The following CACNA1C variants were observed in gnomAD, a reference collection of about 807,000 sequenced individuals.
CACNA1C encodes calcium voltage-gated channel subunit alpha1 C.
In CACNA1C, 30 loss-of-function variants were observed where a neutral mutation model predicts 229.0. The ratio of observed to expected loss-of-function variants is 0.13; its 90% CI spans 0.10 to 0.18. CACNA1C has a LOEUF of 0.18. Among genes scored for constraint, CACNA1C ranks in the 10% least tolerant of loss-of-function variants. CACNA1C has a pLI of 1.00. For synonymous variants in CACNA1C, 1,114 were observed against 1,132.5 expected, an observed-to-expected ratio of 0.98 and a Z score of 0.33; for missense variants, 1,658 against 2,845.0, an observed-to-expected ratio of 0.58 and a Z score of 9.49.
intron 5 of CACNA1C, among the ~76,000 whole-genome samples, chr12:2,478,379 G>T (rs2099642025): frequency 6.6e-6 from 1 of 152,218 alleles, no homozygotes; most frequent in African/African-American, 2.4e-5. Context: ...GGGCCTGGCT[G>T]CTGGTTGGTG....
intron 1 of CACNA1C, among the ~76,000 whole-genome samples, chr12:2,071,364 T>A (rs942142022): frequency 6.6e-6 from 1 of 151,186 alleles, no homozygotes; most frequent in Non-Finnish European, 1.5e-5. Context: ...ACTGGAGATG[T>A]GCGGCACCAT....
chr12:2,183,762 A>T (rs953652334), intron 3 of CACNA1C, among the ~76,000 whole-genome samples: 1 of 152,180 alleles, frequency 6.6e-6, no homozygotes, highest in Non-Finnish European at 1.5e-5. Flanking sequence ...AGGAAATAGG[A>T]ACAGGTGGTT....
intron 3 of CACNA1C, among the ~76,000 whole-genome samples, chr12:2,164,749 A>G (rs11062136): frequency 0.2 from 29,974 of 152,162 alleles, 3,290 homozygotes; most frequent in East Asian, 0.5. Flanking sequence ...TGTGGCCTTG[A>G]GCAAGTCACC....
chr12:2,167,076 C>G (rs1004650249), intron 3 of CACNA1C, among the ~76,000 whole-genome samples: 23 of 152,208 alleles, frequency 1.5e-4, no homozygotes, highest in African/African-American at 4.8e-4. Context: ...ATTCAACCCA[C>G]GTTTATCATC....
At chr12:2,453,432 C>A (rs905192247) in intron 4 of CACNA1C, among the ~76,000 whole-genome samples, 2 of 152,172 alleles carry the variant, frequency 1.3e-5, no homozygotes, top group African/African-American at 4.8e-5. Context: ...TGGGCTCCCT[C>A]CTTGATCCCA....
At chr12:2,434,098 C>T (rs543239572) in intron 3 of CACNA1C, among the ~76,000 whole-genome samples, 1 of 152,272 alleles carries the variant, frequency 6.6e-6, no homozygotes, top group Admixed American at 6.5e-5. Flanking sequence ...GGAGTCTCAC[C>T]TGCGCTCCCT....
In CACNA1C at chr12:2,438,557, A is replaced by G. The variant is rs912435387; in HGVS notation, c.478-10419A>G. 3.9e-5 allele frequency among the ~76,000 whole-genome samples: 6 copies of G among 152,064 alleles called. No homozygotes were observed. In the East Asian group the frequency reaches 1.2e-3, roughly 29 times the overall value. On this transcript the variant is annotated intron_variant, in intron 3 of 46. Coordinates refer to ENST00000399655, the MANE Select transcript of CACNA1C (RefSeq NM_000719.7). Reference sequence around the variant, plus strand: ...GGCAGGGATGGGAAGGGCATGAAGAAGAAAGCTGCCGGAAACAGCCTGCCT... The same window carrying G: ...GGCAGGGATGGGAAGGGCATGAAGAGGAAAGCTGCCGGAAACAGCCTGCCT...
intron 3 of CACNA1C, among the ~76,000 whole-genome samples, chr12:2,335,866 G>A (rs2096676461): frequency 6.6e-6 from 1 of 151,978 alleles, no homozygotes; most frequent in Admixed American, 6.6e-5. Context: ...TACTTCAAGT[G>A]GTATAGATGT....
intron 1 of CACNA1C, among the ~76,000 whole-genome samples, chr12:2,076,644 G>A (rs2063304435): frequency 6.6e-6 from 1 of 152,134 alleles, no homozygotes; most frequent in South Asian, 2.1e-4. Flanking sequence ...CTAGTACCCT[G>A]TATTTTTCAG....
At chr12:2,464,591 G>C (rs1255342532) in intron 5 of CACNA1C, among the ~76,000 whole-genome samples, 2 of 152,148 alleles carry the variant, frequency 1.3e-5, no homozygotes, top group Admixed American at 6.5e-5. Context: ...ATGTGATTTT[G>C]ATTTAGTCCT....
At position 2,689,434 on chromosome 12, in the gene CACNA1C, G is replaced by A. The variant is rs2097695910; in HGVS notation, c.6117+655G>A. On this transcript the variant is annotated intron_variant, in intron 46 of 46. Coordinates refer to ENST00000399655, the MANE Select transcript of CACNA1C (RefSeq NM_000719.7). The surrounding 1 kb of genome is among the most constrained non-coding windows in gnomAD (Gnocchi z 4.2). Reference sequence around the variant, plus strand: ...TGGAGAGGAGGTGACTTTGGAGGGTGCGATACACCTCTCACACCTGCAACG... The same window carrying A: ...TGGAGAGGAGGTGACTTTGGAGGGTACGATACACCTCTCACACCTGCAACG... Among the ~76,000 whole-genome samples, 1 of 152,116 alleles carries A rather than the reference G, an allele frequency of 6.6e-6. No individual in the cohort carries two copies. The highest frequency in any genetic ancestry group is 1.5e-5 in the Non-Finnish European group (1 of 68,008).
intron 38 of CACNA1C, 154 bp from the exon 39 acceptor site, chr12:2,674,387 G>A (rs916320085): frequency 2.7e-6 from 3 of 1,102,538 alleles, no homozygotes; most frequent in Non-Finnish European, 3.8e-6. Flanking sequence ...GTGGAAAATG[G>A]GAAGACTGGG....
intron 1 of CACNA1C, among the ~76,000 whole-genome samples, chr12:2,090,387 G>A (rs534489861): frequency 1.1e-4 from 14 of 128,674 alleles, no homozygotes; most frequent in African/African-American, 3.3e-4. Context: ...GCATGATCTC[G>A]GCTCACTGCA....
At position 2,633,497 on chromosome 12, in the gene CACNA1C, T is replaced by C. The variant is rs999210619; in HGVS notation, c.3829-800T>C. 1.0e-5 allele frequency: 7 copies of C among 689,544 alleles called. No individual in the cohort carries two copies. Among genetic ancestry groups the C allele is most frequent in the South Asian group, 3.2e-5 (2 of 62,192 alleles). 42.7% of individuals were successfully genotyped at this position (689,544 alleles called of 1,614,324 possible). A position where few individuals can be genotyped will look rare whatever the true frequency, so the allele number is the denominator to read the frequency against. ...GCTGGTGCTCCTGGGCTCCTGGCCA[T>C]GGTGAGGGCGTCCGGAACTCCAGAG... On this transcript the variant is annotated intron_variant, in intron 29 of 46. Coordinates refer to ENST00000399655, the MANE Select transcript of CACNA1C (RefSeq NM_000719.7). The surrounding 1 kb of genome is among the most constrained non-coding windows in gnomAD (Gnocchi z 5.8).
At position 2,053,006 on chromosome 12, in the gene CACNA1C, T is replaced by A; in HGVS notation, c.-557T>A. 5 of 983,944 alleles carry A rather than the reference T, an allele frequency of 5.1e-6. No homozygotes were observed. The highest frequency in any genetic ancestry group is 6.0e-6 in the Non-Finnish European group (5 of 829,440). The allele number at this position is 983,944 out of a possible 1,614,324, so 61.0% of individuals were successfully genotyped here. A position where few individuals can be genotyped will look rare whatever the true frequency, so the allele number is the denominator to read the frequency against. ...CCCGGTGTCTCCCTCTCGCTGCCTC[T>A]GCAGAAACAGCTCCTGCCAGAGCGG... On this transcript the variant is annotated 5_prime_UTR_variant, in exon 1 of 47. Transcript: ENST00000399655. This position sits in a 1 kb window ranked among gnomAD's most constrained non-coding sequence, Gnocchi z 5.8.
At chr12:2,229,834 G>A (rs1336591547) in intron 3 of CACNA1C, among the ~76,000 whole-genome samples, 17 of 152,300 alleles carry the variant, frequency 1.1e-4, no homozygotes, top group East Asian at 1.9e-4. Context: ...GTCCCGAGGC[G>A]GGCGGAGCAG....
intron 3 of CACNA1C, among the ~76,000 whole-genome samples, chr12:2,201,653 T>G (rs1282664169): frequency 1.3e-5 from 2 of 152,250 alleles, no homozygotes; most frequent in African/African-American, 4.8e-5. Context: ...TCAGTCAGGT[T>G]GCTTTTGGCT....
chr12:2,619,052 G>A (rs1046297606), intron 29 of CACNA1C, among the ~76,000 whole-genome samples: 6 of 152,042 alleles, frequency 3.9e-5, no homozygotes, highest in East Asian at 3.9e-4. Context: ...TTATGTCTTC[G>A]CTTCATCATC....
chr12:2,171,946 G>A (rs2096498097), intron 3 of CACNA1C, among the ~76,000 whole-genome samples: 1 of 152,174 alleles, frequency 6.6e-6, no homozygotes, highest in Non-Finnish European at 1.5e-5. Flanking sequence ...GCCCTGAGGA[G>A]GGAAGACCAG....
Sources: gnomAD v4.1 joint callset for allele counts (sites outside exome capture counted in the v4.1 genomes callset) on GRCh38, gnomAD v4.1.1 for gene constraint, Gnocchi (gnomAD v3.1) non-coding constraint, MANE v1.5 for transcripts, NCBI Gene and HGNC (gene_info 2026-07-23, HGNC 2026-07-21) for gene names.